Variants in PCDHA4 observed in about 807,000 individuals in gnomAD.
PCDHA4 encodes protocadherin alpha-4.
In PCDHA4, 49 loss-of-function variants were observed where a neutral mutation model predicts 61.4. The ratio of observed to expected loss-of-function variants is 0.80; its 90% CI spans 0.63 to 1.01. PCDHA4 has a LOEUF of 1.01. Among genes scored for constraint, PCDHA4 ranks in the 50% least tolerant of loss-of-function variants. PCDHA4 has a pLI of 0.00. For missense variants in PCDHA4, 1,254 were observed against 1,235.8 expected, an observed-to-expected ratio of 1.01 and a Z score of -0.22; for synonymous variants, 590 against 550.3, an observed-to-expected ratio of 1.07 and a Z score of -1.01.
intron 1 of PCDHA4, chr5:140,829,492 C>G (rs1770340473): frequency 1.2e-6 from 2 of 1,613,578 alleles, no homozygotes; most frequent in Non-Finnish European, 1.7e-6. Flanking sequence ...TGAAGGAGAA[C>G]AACCCGCCGG....
intron 1 of PCDHA4, chr5:140,837,006 G>A (rs1774868844): frequency 3.1e-6 from 1 of 317,894 alleles, no homozygotes; most frequent in African/African-American, 2.2e-5. Context: ...TGGAGCAATG[G>A]ATTCACCTTT....
intron 1 of PCDHA4, chr5:140,858,707 A>T: frequency 3.7e-6 from 2 of 547,914 alleles, no homozygotes; most frequent in South Asian, 2.5e-5. Flanking sequence ...CAAATATGTG[A>T]TATAGGTTGC....
intron 1 of PCDHA4, among the ~76,000 whole-genome samples, chr5:140,933,676 A>AT (rs1400784175): frequency 6.6e-6 from 1 of 151,552 alleles, no homozygotes; most frequent in Non-Finnish European, 1.5e-5. Context: ...TCTCTCTCAC[A>AT]TTTTTTTTCC....
intron 1 of PCDHA4, among the ~76,000 whole-genome samples, chr5:140,922,214 C>T (rs1554200731): frequency 1.3e-5 from 2 of 152,004 alleles, no homozygotes; most frequent in African/African-American, 4.8e-5. Context: ...CTTTGTAAAA[C>T]ATTTGAACCT....
intron 3 of PCDHA4, among the ~76,000 whole-genome samples, chr5:140,995,684 A>T (rs2097694657): frequency 6.6e-6 from 1 of 152,144 alleles, no homozygotes; most frequent in Non-Finnish European, 1.5e-5. Flanking sequence ...ATTTTTTTTA[A>T]TTGTTAAATA....
chr5:140,839,001 C>T (rs1775989279), intron 1 of PCDHA4, among the ~76,000 whole-genome samples: 1 of 151,970 alleles, frequency 6.6e-6, no homozygotes, highest in Admixed American at 6.6e-5. Context: ...TTCTAATATA[C>T]TTTAGTAAAT....
At chr5:140,967,143 A>G in intron 1 of PCDHA4, 1 of 1,611,272 alleles carries the variant, frequency 6.2e-7, no homozygotes, top group South Asian at 1.1e-5. Flanking sequence ...GTGCTGGCGC[A>G]CAACCCCGTG....
intron 1 of PCDHA4, chr5:140,852,221 T>C: frequency 1.6e-6 from 1 of 623,256 alleles, no homozygotes; most frequent in Non-Finnish European, 2.1e-6. Context: ...AATATTTTAA[T>C]TTTTAAATTT....
rs35252606 is a variant in PCDHA4, at chr5:140,912,343, ATT to A, written c.2386-66592_2386-66591del. The stretch of plus-strand genomic sequence containing the variant: ...CTCAGTATTAACCAGTACACTAAGT[ATT>A]TTTTTTTTTTTTTGCAGCTGTTGTA... On this transcript the variant is annotated intron_variant, in intron 1 of 3. Transcript: ENST00000530339. 3.7e-3 allele frequency among the ~76,000 whole-genome samples: 528 copies of A among 143,760 alleles called. 4 individuals are homozygous for A. The highest frequency in any genetic ancestry group is 8.3e-3 in the East Asian group (41 of 4,940). 94.3% of individuals were successfully genotyped at this position (143,760 alleles called of 152,430 possible).
intron 3 of PCDHA4, among the ~76,000 whole-genome samples, chr5:140,996,588 G>A (rs1031631617): frequency 3.2e-4 from 49 of 152,082 alleles, no homozygotes; most frequent in Admixed American, 2.0e-3. Flanking sequence ...AACAAGGGCC[G>A]CCTCCCCCCA....
At chr5:140,955,096 T>G (rs1366148224) in intron 1 of PCDHA4, among the ~76,000 whole-genome samples, 1 of 152,178 alleles carries the variant, frequency 6.6e-6, no homozygotes, top group Non-Finnish European at 1.5e-5. Flanking sequence ...GTGTGTGGTG[T>G]TATTTCTGAG....
chr5:140,849,603 G>A lies in PCDHA4; in HGVS notation c.2385+40031G>A, dbSNP rs2150442213. On this transcript the variant is annotated intron_variant, in intron 1 of 3. Transcript: ENST00000530339. ...GGACGCACAACTGGGGACAGTTATT[G>A]CCCTGATTAGTGTGATCGACCTAGA... The A allele has an allele frequency of 3.8e-5, 60 of 1,598,580 alleles. 9 individuals are homozygous for A. Among genetic ancestry groups the A allele is most frequent in the Non-Finnish European group, 5.1e-5 (59 of 1,167,940 alleles).
At chr5:140,997,533 A>G (rs1247028089) in intron 3 of PCDHA4, among the ~76,000 whole-genome samples, 1 of 152,230 alleles carries the variant, frequency 6.6e-6, no homozygotes, top group Non-Finnish European at 1.5e-5. Context: ...CAATAAAAAT[A>G]CATTATTATA....
rs782167817 is a variant in PCDHA4 at position 140,875,512 on chromosome 5, C to G, written c.2385+65940C>G. Reference sequence around the variant, plus strand: ...ACCAAGAGGCCCGGGATCCCAGCGTCTGCTGCTCTCGCTTCTGCTCCTTGC... The same window carrying G: ...ACCAAGAGGCCCGGGATCCCAGCGTGTGCTGCTCTCGCTTCTGCTCCTTGC... On this transcript the variant is annotated intron_variant, in intron 1 of 3. Coordinates refer to ENST00000530339, the MANE Select transcript of PCDHA4 (RefSeq NM_018907.4). 3 of 1,613,928 alleles carry G rather than the reference C, an allele frequency of 1.9e-6. No individual in the cohort carries two copies. The East Asian group carries it at 6.7e-5, about 36-fold the overall frequency.
chr5:140,876,180 T>C (rs782772220), intron 1 of PCDHA4: 1 of 1,613,982 alleles, frequency 6.2e-7, no homozygotes, highest in South Asian at 1.1e-5. Context: ...TGGATGTGAA[T>C]GACAATGGTC....
chr5:140,813,187 T>G (rs1392565210), intron 1 of PCDHA4: 1 of 152,198 alleles, frequency 6.6e-6, no homozygotes, highest in Non-Finnish European at 1.5e-5. Flanking sequence ...GTCCTCTGCT[T>G]CCTTGCTGAT....
chr5:140,842,516 T>A (rs530202531), intron 1 of PCDHA4: 1 of 1,613,504 alleles, frequency 6.2e-7, no homozygotes, highest in African/African-American at 1.3e-5. Context: ...CAAGCTGGTG[T>A]CCACCTTCAA....
chr5:140,882,197 G>T, intron 1 of PCDHA4: 2 of 1,521,690 alleles, frequency 1.3e-6, no homozygotes, highest in Non-Finnish European at 1.8e-6. Flanking sequence ...CATAAAAATT[G>T]GGCCTTGAGA....
intron 1 of PCDHA4, among the ~76,000 whole-genome samples, chr5:140,844,460 A>T (rs1188717335): frequency 6.7e-6 from 1 of 148,896 alleles, no homozygotes; most frequent in Non-Finnish European, 1.5e-5. Context: ...TCGCCAACTT[A>T]ACATTTTTTG....
Sources: allele counts gnomAD v4.1 joint callset (sites outside exome capture counted in the v4.1 genomes callset), GRCh38; gene constraint gnomAD v4.1.1; transcripts MANE v1.5; gene names NCBI Gene and HGNC (gene_info 2026-07-23, HGNC 2026-07-21).